ANKRD34B: variants seen among roughly 807,000 people sequenced by gnomAD.
The protein encoded by ANKRD34B is ankyrin repeat domain-containing protein 34B.
Under a neutral mutation model 4.4 loss-of-function variants are expected in ANKRD34B, and 2 were observed. The ratio of observed to expected loss-of-function variants is 0.46; its 90% CI spans 0.19 to 1.44. The LOEUF (loss-of-function observed/expected upper bound fraction) is 1.44, where lower values mean the gene tolerates loss of function less well. Among genes scored for constraint, ANKRD34B ranks in the 40% most tolerant of loss-of-function variants. ANKRD34B has a pLI of 0.26. For synonymous variants in ANKRD34B, 226 were observed against 227.1 expected (o/e 0.99, Z 0.05); for missense variants, 558 against 604.7 (o/e 0.92, Z 0.81).
At chr5:80,561,591 A>G (rs182947657) in intron 4 of ANKRD34B, among the ~76,000 whole-genome samples, 1 of 152,280 alleles carries the variant, frequency 6.6e-6, no homozygotes, top group Admixed American at 6.5e-5. Context: ...CCTATCTCTG[A>G]GGAGCTCACA....
At chr5:80,569,650 A>G (rs1746697075) in intron 1 of ANKRD34B, among the ~76,000 whole-genome samples, 1 of 151,448 alleles carries the variant, frequency 6.6e-6, no homozygotes, top group Non-Finnish European at 1.5e-5. Context: ...CTTGCGGCCC[A>G]GCGCGCGCCG....
At chr5:80,569,354 C>A (rs2112724098) in intron 1 of ANKRD34B, among the ~76,000 whole-genome samples, 1 of 152,316 alleles carries the variant, frequency 6.6e-6, no homozygotes, top group African/African-American at 2.4e-5. Context: ...CCACTGCCCC[C>A]ATCCCGGAGC....
chr5:80,567,516 G>A lies in ANKRD34B; in HGVS notation c.-190-742C>T, dbSNP rs1325540573. On this transcript the variant is annotated intron_variant, in intron 2 of 4. Coordinates refer to ENST00000338682, the MANE Select transcript of ANKRD34B (RefSeq NM_001004441.3). Reference sequence around the variant, plus strand: ...GGTGCCTGTAATCCCAGCTACTCAGGAGGCTGAGGCAGGAGAATCACTTGA... The same window carrying A: ...GGTGCCTGTAATCCCAGCTACTCAGAAGGCTGAGGCAGGAGAATCACTTGA... Among the ~76,000 whole-genome samples, 3 of 150,730 alleles carry A rather than the reference G, an allele frequency of 2.0e-5. No individual in the cohort carries two copies. The East Asian group carries it at 5.9e-4, about 30-fold the overall frequency.
rs1396157548 is a variant in ANKRD34B at position 80,558,632 on chromosome 5, A to G, written c.1388T>C (p.Ile463Thr). ...GCTGCAAATCTTGTTGTTGACATTG[A>G]TATCTGAGATGGGAGGGTGAGAATT... Reference protein sequence around the residue: ...NVNSHPPISDINVNNKICSLL... With the variant: ...NVNSHPPISDTNVNNKICSLL... Residue 463 changes from isoleucine to threonine, a missense_variant, in exon 5 of 5, where the codon ATC (isoleucine) becomes ACC (threonine). Coordinates refer to ENST00000338682, the MANE Select transcript of ANKRD34B (RefSeq NM_001004441.3). The G allele has an allele frequency of 6.2e-7, 1 of 1,614,168 alleles. No homozygotes were observed. Among genetic ancestry groups the G allele is most frequent in the East Asian group, 2.2e-5 (1 of 44,886 alleles).
At position 80,567,637 on chromosome 5, in the gene ANKRD34B, GA is replaced by G. The variant is rs3045875; in HGVS notation, c.-190-864del. 3.3e-5 allele frequency among the ~76,000 whole-genome samples: 3 copies of G among 91,716 alleles called. No individual in the cohort carries two copies. The East Asian group carries it at 2.6e-3, about 79-fold the overall frequency. The allele number at this position is 91,716 out of a possible 152,430, so 60.2% of individuals were successfully genotyped here. A position where few individuals can be genotyped will look rare whatever the true frequency, so the allele number is the denominator to read the frequency against. ...ACTCCGTCTCAAAAAAAAAAAAAAAGAAAAGAAAAGAAAAGAAGGAAAAGTT... is the reference window on the plus strand; with the variant it reads ...ACTCCGTCTCAAAAAAAAAAAAAAAGAAAGAAAAGAAAAGAAGGAAAAGTT... On this transcript the variant is annotated intron_variant, in intron 2 of 4. Transcript: ENST00000338682.
chr5:80,567,870 G>T (rs1028878403), intron 2 of ANKRD34B, among the ~76,000 whole-genome samples: 2 of 152,084 alleles, frequency 1.3e-5, no homozygotes, highest in Non-Finnish European at 2.9e-5. Flanking sequence ...GCGTATCAGG[G>T]ACCTGGGCTC....
Position 80,559,585 on chromosome 5 carries a change from C to A in ANKRD34B, c.435G>T (p.Gly145=). Residue 145 remains glycine, a synonymous_variant, in exon 5 of 5, where the codon GGG becomes GGT. Transcript: ENST00000338682. ...CTGTTGTGATGATGATGACCTCTTT[C>A]CCTTTTGCCTTGCAAGCACTAAGAA... The part of the protein sequence containing the change: ...KVLLSACKAK[G]KEVIIITTAK... 1 of 1,614,184 alleles carries A rather than the reference C, an allele frequency of 6.2e-7. No homozygotes were observed. Among genetic ancestry groups the A allele is most frequent in the South Asian group, 1.1e-5 (1 of 91,088 alleles).
rs201307292 is a variant in ANKRD34B, at chr5:80,562,906, A to AAAC, written c.-24+828_-24+829insGTT. 1.6e-3 allele frequency among the ~76,000 whole-genome samples: 249 copies of AAAC among 152,310 alleles called. 4 individuals carry two copies. The highest frequency in any genetic ancestry group is 0.013 in the East Asian group (69 of 5,192). On this transcript the variant is annotated intron_variant, in intron 4 of 4. Coordinates refer to ENST00000338682, the MANE Select transcript of ANKRD34B (RefSeq NM_001004441.3). ...CATGAGCAGCCACACCAAAAATTTA[A>AAAC]AAACAAACAAAAATGCCTCTTACAT...
At chr5:80,568,678 G>A (rs901987446) in intron 2 of ANKRD34B, among the ~76,000 whole-genome samples, 2 of 152,154 alleles carry the variant, frequency 1.3e-5, no homozygotes, top group Admixed American at 6.5e-5. Context: ...CCTGGAAAAT[G>A]GAATGACTGG....
At chr5:80,568,645 AT>A (rs768383443) in intron 2 of ANKRD34B, among the ~76,000 whole-genome samples, 17 of 152,216 alleles carry the variant, frequency 1.1e-4, no homozygotes, top group Non-Finnish European at 2.4e-4. Flanking sequence ...CAGAGACAGA[AT>A]AAAAGATGCA....
chr5:80,567,771 T>C (rs1746619828), intron 2 of ANKRD34B, among the ~76,000 whole-genome samples: 1 of 152,026 alleles, frequency 6.6e-6, no homozygotes, highest in South Asian at 2.1e-4. Context: ...GGGTTTGAAC[T>C]CAAAATTCAG....
At chr5:80,567,737 A>G (rs1310352757) in intron 2 of ANKRD34B, among the ~76,000 whole-genome samples, 1 of 151,920 alleles carries the variant, frequency 6.6e-6, no homozygotes, top group African/African-American at 2.4e-5. Flanking sequence ...TCATCTGGCC[A>G]TGGTGGGGAA....
chr5:80,568,952 A>AGAGC lies in ANKRD34B; in HGVS notation c.-191+7_-191+8insGCTC, dbSNP rs1355456075. 1 of 148,980 alleles carries AGAGC rather than the reference A, an allele frequency of 6.7e-6. No homozygotes were observed. The highest frequency in any genetic ancestry group is 2.0e-4 in the East Asian group (1 of 4,992). 9.2% of individuals were successfully genotyped at this position (148,980 alleles called of 1,614,324 possible). A position where few individuals can be genotyped will look rare whatever the true frequency, so the allele number is the denominator to read the frequency against. The stretch of plus-strand genomic sequence containing the variant: ...GAGAGAGAGAGAGAGAGAGAGAGAG[A>AGAGC]GGCCAACCTAGTCCTCCAAGTCTCA... On this transcript the variant is annotated splice_region_variant and intron_variant, in intron 2 of 4. Transcript: ENST00000338682.
Position 80,559,601 on chromosome 5 carries a change from G to C in ANKRD34B, c.419C>G (p.Ala140Gly). The change falls in exon 5 of 5, where the codon GCT becomes GGT. Residue 140 changes from alanine (A) to glycine (G), a missense_variant. Transcript: ENST00000338682. Reference protein sequence around the residue: ...DTETLKVLLSACKAKGKEVII... With the variant: ...DTETLKVLLSGCKAKGKEVII... Reference sequence around the variant, plus strand: ...GACCTCTTTCCCTTTTGCCTTGCAAGCACTAAGAAGAACTTTCAGGGTCTC... The same window carrying C: ...GACCTCTTTCCCTTTTGCCTTGCAACCACTAAGAAGAACTTTCAGGGTCTC... 1 of 1,614,204 alleles carries C rather than the reference G, an allele frequency of 6.2e-7. No individual in the cohort carries two copies. Among genetic ancestry groups the C allele is most frequent in the East Asian group, 2.2e-5 (1 of 44,884 alleles).
chr5:80,569,266 G>A, intron 1 of ANKRD34B, among the ~76,000 whole-genome samples, 159 bp from the exon 2 acceptor site: 1 of 152,304 alleles, frequency 6.6e-6, no homozygotes, highest in South Asian at 2.1e-4. Context: ...CACAGCCGCT[G>A]CGGAGCGGTC....
intron 4 of ANKRD34B, among the ~76,000 whole-genome samples, chr5:80,562,071 G>T (rs1410715226): frequency 1.7e-5 from 2 of 117,016 alleles, no homozygotes; most frequent in Non-Finnish European, 4.0e-5. Flanking sequence ...GTGTGTGTGT[G>T]TGTGTGTGTG....
At position 80,558,307 on chromosome 5, in the gene ANKRD34B, T is replaced by G. The variant is rs1352287938; in HGVS notation, c.*168A>C. On this transcript the variant is annotated 3_prime_UTR_variant, in exon 5 of 5. Coordinates refer to ENST00000338682, the MANE Select transcript of ANKRD34B (RefSeq NM_001004441.3). The stretch of plus-strand genomic sequence containing the variant: ...TCCCTTAACAGAAACTATGTATTAT[T>G]TTTTATGCTCATGACGCCTAGTACA... 3 of 545,254 alleles carry G rather than the reference T, an allele frequency of 5.5e-6. No homozygotes were observed. Among genetic ancestry groups the G allele is most frequent in the Admixed American group, 3.7e-5 (1 of 26,848 alleles). 33.8% of individuals were successfully genotyped at this position (545,254 alleles called of 1,614,324 possible).
intron 4 of ANKRD34B, among the ~76,000 whole-genome samples, chr5:80,563,435 T>A (rs1227677105): frequency 6.6e-6 from 1 of 152,248 alleles, no homozygotes; most frequent in Non-Finnish European, 1.5e-5. Flanking sequence ...ATATGTGAGA[T>A]ATACTTCATT....
Position 80,559,330 on chromosome 5 carries a change from C to T in ANKRD34B, c.690G>A (p.Val230=), listed in dbSNP as rs780081244. The stretch of plus-strand genomic sequence containing the variant: ...CCTTAGGGGCCAATGCAGGTTTCCT[C>T]ACAGGGGAACCTGGGTCCCAGGTAT... The part of the protein sequence containing the change: ...NDDTWDPGSP[V]RKPALAPKGP... Residue 230 remains valine (V), a synonymous_variant, in exon 5 of 5, where the codon GTG becomes GTA. Coordinates refer to ENST00000338682, the MANE Select transcript of ANKRD34B (RefSeq NM_001004441.3). The T allele has an allele frequency of 3.1e-6, 5 of 1,614,178 alleles. No individual in the cohort carries two copies. Among genetic ancestry groups the T allele is most frequent in the Non-Finnish European group, 4.2e-6 (5 of 1,180,024 alleles).
Sources: gnomAD v4.1 joint callset for allele counts (sites outside exome capture counted in the v4.1 genomes callset) on GRCh38, gnomAD v4.1.1 for gene constraint, MANE v1.5 for transcripts, NCBI Gene and HGNC (gene_info 2026-07-23, HGNC 2026-07-21) for gene names.